The following EYS variants were observed in gnomAD, a reference collection of about 807,000 sequenced individuals.
EYS encodes protein eyes shut homolog.
In EYS, 250 loss-of-function variants were observed where a neutral mutation model predicts 282.1. The ratio of observed to expected loss-of-function variants is 0.89; its 90% confidence interval spans 0.80 to 0.98. The LOEUF (loss-of-function observed/expected upper bound fraction) is 0.98, where lower values mean the gene tolerates loss of function less well. Among genes scored for constraint, EYS ranks in the 50% least tolerant of loss-of-function variants. The probability of loss-of-function intolerance (pLI) is 0.00; values close to 1 mark genes in which losing one functional copy is unlikely to be tolerated. For synonymous variants in EYS, 1,355 were observed against 1,282.9 expected (o/e 1.06, Z -1.20); for missense variants, 4,016 against 3,709.0 (o/e 1.08, Z -2.15).
At chr6:65,701,957 T>C (rs1354493761) in intron 1 of EYS, among the ~76,000 whole-genome samples, 1 of 152,176 alleles carries the variant, frequency 6.6e-6, no homozygotes, top group Non-Finnish European at 1.5e-5. Context: ...AAAGGTAGTA[T>C]CGGACATTTA....
At chr6:65,358,285 A>C (rs900179094) in intron 8 of EYS, among the ~76,000 whole-genome samples, 11 of 151,970 alleles carry the variant, frequency 7.2e-5, no homozygotes, top group Non-Finnish European at 7.4e-5. Context: ...AATTTATATC[A>C]AAATTTATAC....
chr6:65,553,849 C>G (rs535875759), intron 2 of EYS, among the ~76,000 whole-genome samples: 3 of 152,098 alleles, frequency 2.0e-5, no homozygotes, highest in African/African-American at 7.2e-5. Flanking sequence ...TTATTACATA[C>G]TCATATTCAT....
chr6:65,328,496 T>A (rs1219600209), intron 11 of EYS, among the ~76,000 whole-genome samples: 2 of 151,374 alleles, frequency 1.3e-5, no homozygotes, highest in African/African-American at 2.4e-5. Flanking sequence ...ATATCAATTT[T>A]GATGAAAATT....
At chr6:65,477,572 T>C (rs1489327764) in intron 5 of EYS, among the ~76,000 whole-genome samples, 2 of 152,194 alleles carry the variant, frequency 1.3e-5, no homozygotes, top group African/African-American at 2.4e-5. Context: ...CCCCCAGTGA[T>C]AGCCAATTCA....
At chr6:64,667,956 A>C (rs2149893588) in intron 22 of EYS, among the ~76,000 whole-genome samples, 1 of 152,298 alleles carries the variant, frequency 6.6e-6, no homozygotes, top group South Asian at 2.1e-4. Flanking sequence ...GGAGGGCTTA[A>C]AAATTCAGCT....
chr6:64,861,602 T>C (rs752779522), intron 19 of EYS, among the ~76,000 whole-genome samples: 15 of 152,290 alleles, frequency 9.8e-5, no homozygotes, highest in Non-Finnish European at 1.6e-4. Context: ...GCTTCCACCC[T>C]GCCATCTCAG....
chr6:63,836,169 A>C (rs1178146483), intron 36 of EYS, among the ~76,000 whole-genome samples: 2 of 152,056 alleles, frequency 1.3e-5, no homozygotes, highest in Non-Finnish European at 2.9e-5. Flanking sequence ...TTATTGCACC[A>C]TTTTAGACTC....
At chr6:64,581,535 A>G (rs1766068408) in intron 26 of EYS, among the ~76,000 whole-genome samples, 1 of 152,190 alleles carries the variant, frequency 6.6e-6, no homozygotes, top group African/African-American at 2.4e-5. Context: ...ATATTGGCAT[A>G]AATACTACCA....
intron 12 of EYS, among the ~76,000 whole-genome samples, chr6:65,233,800 G>T (rs1037715088): frequency 6.6e-6 from 1 of 152,144 alleles, no homozygotes; most frequent in Non-Finnish European, 1.5e-5. Context: ...TGTTTTGCTA[G>T]AAGTTGTGTT....
At chr6:64,523,581 C>T (rs1272266680) in intron 26 of EYS, among the ~76,000 whole-genome samples, 1 of 151,646 alleles carries the variant, frequency 6.6e-6, no homozygotes, top group Non-Finnish European at 1.5e-5. Context: ...TTTTCTGGTT[C>T]CAAGGTTTTA....
chr6:64,728,579 C>T (rs911242849), intron 22 of EYS, among the ~76,000 whole-genome samples: 3 of 152,172 alleles, frequency 2.0e-5, no homozygotes, highest in African/African-American at 7.2e-5. Context: ...TCGTGATCTG[C>T]CCACCTTGAC....
intron 12 of EYS, among the ~76,000 whole-genome samples, chr6:65,174,752 A>T: frequency 6.6e-6 from 1 of 151,332 alleles, no homozygotes; most frequent in East Asian, 1.9e-4. Flanking sequence ...ATCTAAGTGA[A>T]GCACTAAATA....
intron 31 of EYS, among the ~76,000 whole-genome samples, chr6:64,177,209 A>G (rs1764663222): frequency 6.6e-6 from 1 of 151,694 alleles, no homozygotes; most frequent in South Asian, 2.1e-4. Flanking sequence ...AATAGAAATT[A>G]TTGACTTCCT....
At chr6:65,221,809 G>T (rs1174308200) in intron 12 of EYS, among the ~76,000 whole-genome samples, 1 of 152,156 alleles carries the variant, frequency 6.6e-6, no homozygotes, top group Non-Finnish European at 1.5e-5. Context: ...CTTGGAGGGG[G>T]GCTGTACCCT....
At chr6:65,406,615 C>A (rs1355014830) in intron 5 of EYS, among the ~76,000 whole-genome samples, 1 of 152,028 alleles carries the variant, frequency 6.6e-6, no homozygotes, top group Non-Finnish European at 1.5e-5. Flanking sequence ...AACGACTTAG[C>A]TTATATGTTT....
chr6:65,285,949 G>T (rs1768350553), intron 12 of EYS, among the ~76,000 whole-genome samples: 2 of 151,766 alleles, frequency 1.3e-5, no homozygotes, highest in Admixed American at 1.3e-4. Context: ...GATTATTTTG[G>T]CCTTCACCCA....
intron 2 of EYS, among the ~76,000 whole-genome samples, chr6:65,620,816 T>C (rs1023072230): frequency 1.3e-5 from 2 of 152,306 alleles, no homozygotes; most frequent in East Asian, 1.9e-4. Flanking sequence ...ATGTACCCAG[T>C]AGTCATTCAG....
intron 15 of EYS, among the ~76,000 whole-genome samples, chr6:64,935,578 G>GA (rs1454198742): frequency 6.6e-6 from 1 of 151,290 alleles, no homozygotes; most frequent in Non-Finnish European, 1.5e-5. Context: ...GAATGATCAA[G>GA]AAAAAACAGA....
chr6:63,805,307 G>C (rs1440746847), intron 37 of EYS, among the ~76,000 whole-genome samples: 7 of 152,168 alleles, frequency 4.6e-5, no homozygotes, highest in Non-Finnish European at 1.0e-4. Flanking sequence ...AGAGACAAAT[G>C]TAAGTTATAA....
Sources: gnomAD v4.1 joint callset for allele counts (sites outside exome capture counted in the v4.1 genomes callset) on GRCh38, gnomAD v4.1.1 for gene constraint, MANE v1.5 for transcripts, NCBI Gene and HGNC (gene_info 2026-07-23, HGNC 2026-07-21) for gene names.